Variants in CNTN4 observed in about 807,000 individuals in gnomAD.
CNTN4 encodes contactin 4.
Under a neutral mutation model 122.5 loss-of-function variants are expected in CNTN4, and 77 were observed. The ratio of observed to expected loss-of-function variants is 0.63; its 90% CI spans 0.52 to 0.76. The LOEUF is 0.76. Ranked by LOEUF, CNTN4 falls within the 30% of genes least tolerant of loss-of-function variation. The probability of loss-of-function intolerance (pLI) is 0.00; values close to 1 mark genes in which losing one functional copy is unlikely to be tolerated. For synonymous variants in CNTN4, 512 were observed against 447.0 expected, an observed-to-expected ratio of 1.15 and a Z score of -1.83; for missense variants, 1,256 against 1,259.1, an observed-to-expected ratio of 1.00 and a Z score of 0.04.
intron 2 of CNTN4, among the ~76,000 whole-genome samples, chr3:2,293,481 A>G (rs775565824): frequency 3.9e-5 from 6 of 152,200 alleles, no homozygotes; most frequent in African/African-American, 7.2e-5. Context: ...CCACTTACTA[A>G]CTAATGACTT....
intron 3 of CNTN4, among the ~76,000 whole-genome samples, chr3:2,364,714 G>A (rs954503487): frequency 2.0e-5 from 3 of 152,150 alleles, no homozygotes; most frequent in African/African-American, 7.2e-5. Flanking sequence ...TATATCAAAT[G>A]TGGCCCAATG....
intron 13 of CNTN4, among the ~76,000 whole-genome samples, chr3:2,984,789 A>G (rs982783608): frequency 2.0e-5 from 3 of 152,228 alleles, no homozygotes; most frequent in African/African-American, 7.2e-5. Flanking sequence ...AATGTTTAAT[A>G]TGCTCCAAGC....
chr3:2,718,149 T>G (rs3934068), intron 4 of CNTN4, among the ~76,000 whole-genome samples: 129,564 of 151,978 alleles, frequency 0.85, 56,762 homozygotes, highest in Non-Finnish European at 0.95. Context: ...ATTATTATTT[T>G]TAATCAATGA....
intron 2 of CNTN4, among the ~76,000 whole-genome samples, chr3:2,302,193 G>A (rs1218784023): frequency 6.6e-6 from 1 of 152,204 alleles, no homozygotes; most frequent in Non-Finnish European, 1.5e-5. Flanking sequence ...CACTAAGGGA[G>A]GCTGAGGCGG....
At chr3:2,608,784 C>T (rs1213150420) in intron 4 of CNTN4, among the ~76,000 whole-genome samples, 2 of 152,216 alleles carry the variant, frequency 1.3e-5, no homozygotes, top group East Asian at 1.9e-4. Flanking sequence ...CTGCACTTTG[C>T]CCCTTGGCTC....
chr3:2,409,604 A>G (rs192419830), intron 3 of CNTN4, among the ~76,000 whole-genome samples: 6 of 152,242 alleles, frequency 3.9e-5, no homozygotes, highest in Admixed American at 3.9e-4. Flanking sequence ...ATTAATCTCA[A>G]AGATATAAGC....
rs149126920 is a variant in CNTN4 at position 2,326,144 on chromosome 3, T to C, written c.-144-13034T>C. Among the ~76,000 whole-genome samples, 297 of 152,272 alleles carry C rather than the reference T, an allele frequency of 2.0e-3. 1 individual carries two copies. The highest frequency in any genetic ancestry group is 3.1e-3 in the Non-Finnish European group (208 of 68,018). On this transcript the variant is annotated intron_variant, in intron 2 of 24. Transcript: ENST00000418658. ...ATAAAGCAGGTTGCTTTCCCAAATGTGGGTGGGCCTTATGCAATCAGCTGA... is the reference window on the plus strand; with the variant it reads ...ATAAAGCAGGTTGCTTTCCCAAATGCGGGTGGGCCTTATGCAATCAGCTGA...
At chr3:2,977,556 G>A (rs1362989065) in intron 13 of CNTN4, among the ~76,000 whole-genome samples, 2 of 151,920 alleles carry the variant, frequency 1.3e-5, no homozygotes, top group South Asian at 2.1e-4. Flanking sequence ...GTTAGCTGCT[G>A]TTGGGGAAAA....
chr3:2,104,101 T>C (rs1364573167), intron 2 of CNTN4, among the ~76,000 whole-genome samples: 2 of 152,166 alleles, frequency 1.3e-5, no homozygotes, highest in African/African-American at 4.8e-5. Context: ...CTACCAGTCA[T>C]TTCTTTCCCA....
intron 12 of CNTN4, among the ~76,000 whole-genome samples, chr3:2,917,907 AT>A (rs113065177): frequency 8.6e-5 from 13 of 150,786 alleles, no homozygotes; most frequent in Non-Finnish European, 1.0e-4. Flanking sequence ...CATGTGAGGC[AT>A]TTTTTTTTTA....
intron 2 of CNTN4, among the ~76,000 whole-genome samples, chr3:2,189,410 C>G (rs1435980532): frequency 2.6e-5 from 4 of 152,120 alleles, no homozygotes; most frequent in Non-Finnish European, 5.9e-5. Context: ...GCAGATCTCT[C>G]TGGGATGGTA....
intron 13 of CNTN4, among the ~76,000 whole-genome samples, chr3:2,987,121 A>G (rs340818): frequency 1 from 152,321 of 152,324 alleles, 76,159 homozygotes; most frequent in Middle Eastern, 1. Flanking sequence ...GTTCAAAGCA[A>G]GCAGAAGAGC....
At chr3:3,053,537 G>A (rs1314485462) in intron 23 of CNTN4, among the ~76,000 whole-genome samples, 1 of 152,188 alleles carries the variant, frequency 6.6e-6, no homozygotes, top group Non-Finnish European at 1.5e-5. Flanking sequence ...TCCCAAGAGT[G>A]TCAACTGAGC....
intron 4 of CNTN4, among the ~76,000 whole-genome samples, chr3:2,617,903 T>C (rs1220020089): frequency 6.6e-6 from 1 of 152,204 alleles, no homozygotes; most frequent in African/African-American, 2.4e-5. Flanking sequence ...TAAGTATGCA[T>C]ATAAAAAATA....
intron 4 of CNTN4, among the ~76,000 whole-genome samples, chr3:2,588,031 C>T (rs369755722): frequency 1.3e-5 from 2 of 151,808 alleles, no homozygotes; most frequent in Admixed American, 6.6e-5. Context: ...CCAATCTCTA[C>T]GCTCCCTGTA....
At position 2,155,091 on chromosome 3, in the gene CNTN4, C is replaced by G. The variant is rs576392213; in HGVS notation, c.-145+54452C>G. ...TGCCATTTTAATTTAACTATTTTTC[C>G]CCTGAAAGATTTGTTTCCAGAAAAA... On this transcript the variant is annotated intron_variant, in intron 2 of 24. Coordinates refer to ENST00000418658, the MANE Select transcript of CNTN4 (RefSeq NM_175607.3). Among the ~76,000 whole-genome samples, 4 of 152,292 alleles carry G rather than the reference C, an allele frequency of 2.6e-5. No individual in the cohort carries two copies. The South Asian group carries it at 8.3e-4, about 32-fold the overall frequency.
chr3:2,677,209 G>GTA (rs1236797963), intron 4 of CNTN4, among the ~76,000 whole-genome samples: 95 of 148,438 alleles, frequency 6.4e-4, no homozygotes, highest in Admixed American at 2.9e-3. Flanking sequence ...CTCTATATAT[G>GTA]TATATATATA....
At chr3:2,586,569 G>A (rs1041943570) in intron 4 of CNTN4, among the ~76,000 whole-genome samples, 1 of 152,118 alleles carries the variant, frequency 6.6e-6, no homozygotes, top group Non-Finnish European at 1.5e-5. Flanking sequence ...GGGATTACAG[G>A]CGTGAGCCAC....
intron 10 of CNTN4, among the ~76,000 whole-genome samples, chr3:2,898,053 A>G (rs1426541871): frequency 6.6e-6 from 1 of 152,200 alleles, no homozygotes; most frequent in Admixed American, 6.5e-5. Flanking sequence ...ATTTTCATCA[A>G]GCACATGACT....
Sources: gnomAD v4.1 joint callset for allele counts (sites outside exome capture counted in the v4.1 genomes callset) on GRCh38, gnomAD v4.1.1 for gene constraint, MANE v1.5 for transcripts, NCBI Gene and HGNC (gene_info 2026-07-23, HGNC 2026-07-21) for gene names.